The following PLCH2 variants were observed in gnomAD, a reference collection of about 807,000 sequenced individuals.
PLCH2 encodes the protein phospholipase C eta 2, also known as 1-phosphatidylinositol 4,5-bisphosphate phosphodiesterase eta-2.
PLCH2 carries 98 observed loss-of-function variants against 134.7 expected under a neutral mutation model. The ratio of observed to expected loss-of-function variants is 0.73; its 90% CI spans 0.62 to 0.86. PLCH2 has a LOEUF of 0.86. Among genes scored for constraint, PLCH2 ranks in the 40% least tolerant of loss-of-function variants. The pLI, the probability that PLCH2 is intolerant of heterozygous loss-of-function variation, is 0.00. For synonymous variants in PLCH2, 974 were observed against 827.5 expected, an observed-to-expected ratio of 1.18 and a Z score of -3.04; for missense variants, 1,994 against 1,986.6, an observed-to-expected ratio of 1.00 and a Z score of -0.07.
chr1:2,426,041 C>T (rs992398141), intron 1 of PLCH2: 1 of 152,250 alleles, frequency 6.6e-6, no homozygotes, highest in Non-Finnish European at 1.5e-5. Flanking sequence ...AGCTTTGGTA[C>T]AGTTCATCAT....
chr1:2,503,904 T>TCCCCCCCCCCCCCCCCCCCCCCCCCC lies in PLCH2; in HGVS notation c.2960-13_2960-12insCCCCCCCCCCCCCCCCCCCCCCCCCC. ...GCTTCTCCCTCTGGCTCTCTCTCAC[T>TCCCCCCCCCCCCCCCCCCCCCCCCCC]CCCCCACCTCCCCACAGACACCCGC... On this transcript the variant is annotated splice_polypyrimidine_tract_variant and intron_variant, in intron 21 of 21. Coordinates refer to ENST00000378486, the MANE Select transcript of PLCH2 (RefSeq NM_014638.4). 1 of 694,070 alleles carries TCCCCCCCCCCCCCCCCCCCCCCCCCC rather than the reference T, an allele frequency of 1.4e-6. No homozygotes were observed. The highest frequency in any genetic ancestry group is 2.6e-6 in the Non-Finnish European group (1 of 391,100). The allele number at this position is 694,070 out of a possible 1,614,324, so 43.0% of individuals were successfully genotyped here. A position where few individuals can be genotyped will look rare whatever the true frequency, so the allele number is the denominator to read the frequency against.
At chr1:2,455,124 C>T (rs867029230) in intron 2 of PLCH2, among the ~76,000 whole-genome samples, 2 of 152,226 alleles carry the variant, frequency 1.3e-5, no homozygotes, top group African/African-American at 4.8e-5. Context: ...GGACCTGGCT[C>T]TCCCCTTACC....
intron 8 of PLCH2, 35 bp downstream of exon 8, chr1:2,487,753 G>C: frequency 1.2e-6 from 2 of 1,602,552 alleles, no homozygotes; most frequent in Non-Finnish European, 1.7e-6. Context: ...TGGCCCCAGA[G>C]GTGGGCAGGG....
intron 15 of PLCH2, among the ~76,000 whole-genome samples, 162 bp downstream of exon 15, chr1:2,497,172 G>C (rs1450416533): frequency 7.2e-5 from 11 of 152,258 alleles, no homozygotes; most frequent in Non-Finnish European, 1.5e-5. Context: ...CCGACACCAG[G>C]CTGCCACTGA....
Position 2,450,633 on chromosome 1 carries a change from C to G in PLCH2, c.115+20004C>G, listed in dbSNP as rs2985854. ...CGGCCTGCCCTCCAACTCCAACTCC[C>G]CCCCTGCCCCCCGCTCCCTGTCTGC... On this transcript the variant is annotated intron_variant, in intron 2 of 3. Transcript: ENST00000609981. Among the ~76,000 whole-genome samples the G allele has an allele frequency of 2.0e-3, 164 of 82,552 alleles. 3 individuals are homozygous for G. Among genetic ancestry groups the G allele is most frequent in the African/African-American group, 7.6e-3 (154 of 20,226 alleles). The allele number at this position is 82,552 out of a possible 152,430, so 54.2% of individuals were successfully genotyped here. A position where few individuals can be genotyped will look rare whatever the true frequency, so the allele number is the denominator to read the frequency against.
rs1487734160 is a variant in PLCH2 at position 2,439,546 on chromosome 1, C to T, written c.115+8917C>T. Among the ~76,000 whole-genome samples, 3 of 152,248 alleles carry T rather than the reference C, an allele frequency of 2.0e-5. No individual in the cohort carries two copies. The highest frequency in any genetic ancestry group is 2.0e-4 in the Admixed American group (3 of 15,288). Reference sequence around the variant, plus strand: ...CTAAATTTAGCTGCTGAGGATTGCACGTTTACCCGATTAAGCCCATTGATT... The same window carrying T: ...CTAAATTTAGCTGCTGAGGATTGCATGTTTACCCGATTAAGCCCATTGATT... On this transcript the variant is annotated intron_variant, in intron 2 of 3. Coordinates refer to the PLCH2 transcript ENST00000609981. This position sits in a 1 kb window ranked among gnomAD's most constrained non-coding sequence, Gnocchi z 4.7.
chr1:2,457,482 T>C (rs1640550086), intron 2 of PLCH2, among the ~76,000 whole-genome samples: 1 of 152,100 alleles, frequency 6.6e-6, no homozygotes, highest in South Asian at 2.1e-4. Context: ...TGCTCCCCAA[T>C]GTCTCCTGGC....
rs1368844636 is a variant in PLCH2 at position 2,444,092 on chromosome 1, G to A, written c.115+13463G>A. Among the ~76,000 whole-genome samples, 1 of 152,190 alleles carries A rather than the reference G, an allele frequency of 6.6e-6. No homozygotes were observed. Among genetic ancestry groups the A allele is most frequent in the Admixed American group, 6.5e-5 (1 of 15,288 alleles). On this transcript the variant is annotated intron_variant, in intron 2 of 3. Transcript: ENST00000609981. This position sits in a 1 kb window ranked among gnomAD's most constrained non-coding sequence, Gnocchi z 4.6. The stretch of plus-strand genomic sequence containing the variant: ...CGCCTGGGCTTCAGACTCGGGAGCG[G>A]AGGCTCGGATCGCGGTGGCACGGGC...
Position 2,503,972 on chromosome 1 carries a change from G to C in PLCH2, c.3010G>C (p.Glu1004Gln), listed in dbSNP as rs1262933470. 18 of 1,513,430 alleles carry C rather than the reference G, an allele frequency of 1.2e-5. No homozygotes were observed. Among genetic ancestry groups the C allele is most frequent in the Non-Finnish European group, 1.5e-5 (17 of 1,115,034 alleles). 93.8% of individuals were successfully genotyped at this position (1,513,430 alleles called of 1,614,324 possible). ...GCCACTCCCCCCACTGTGCAGCCTG[G>C]AAACCATCGCTGAGGAGCCCGCCCC... is the stretch of plus-strand genomic sequence containing the variant. ...QRPLPPLCSL[E>Q]TIAEEPAPGP... Residue 1004 changes from glutamate to glutamine, a missense_variant, in exon 22 of 22, where the codon GAA becomes CAA. Transcript: ENST00000378486.
At chr1:2,456,490 G>A (rs1314206497) in intron 2 of PLCH2, among the ~76,000 whole-genome samples, 1 of 152,244 alleles carries the variant, frequency 6.6e-6, no homozygotes, top group South Asian at 2.1e-4. Context: ...TGACTCAGTT[G>A]TCACCGTCAC....
intron 13 of PLCH2, among the ~76,000 whole-genome samples, chr1:2,496,286 G>A (rs1054355935): frequency 2.0e-5 from 3 of 152,160 alleles, no homozygotes; most frequent in African/African-American, 7.2e-5. Context: ...TTCTAGGCCA[G>A]ACCCAGGCCC....
intron 2 of PLCH2, among the ~76,000 whole-genome samples, chr1:2,478,858 G>A (rs996531232): frequency 1.3e-5 from 2 of 152,162 alleles, no homozygotes; most frequent in Non-Finnish European, 2.9e-5. Flanking sequence ...GAGTAGCACT[G>A]TGCCCAGCCC....
intron 1 of PLCH2, among the ~76,000 whole-genome samples, chr1:2,470,358 G>GC (rs1641267052): frequency 6.6e-6 from 1 of 152,206 alleles, no homozygotes. Context: ...AGCCAGCCCA[G>GC]CCCCAGGGCC....
chr1:2,416,060 C>T, the PLCH2 span, among the ~76,000 whole-genome samples: 165 of 152,324 alleles, frequency 1.1e-3, no homozygotes, highest in Admixed American at 4.9e-3. Flanking sequence ...TGGGCAGCCC[C>T]GCAGGTGATC....
chr1:2,490,865 C>T (rs980052983), intron 10 of PLCH2, among the ~76,000 whole-genome samples: 7 of 152,248 alleles, frequency 4.6e-5, no homozygotes, highest in African/African-American at 1.4e-4. Flanking sequence ...CTGAAGTCTG[C>T]CCCTGGCCCT....
In PLCH2 at chr1:2,504,766, C is replaced by A; in HGVS notation, c.3804C>A (p.Ser1268Arg). Reference protein sequence around the residue: ...GDLTADDFAPSFEGGSRRLSH... With the variant: ...GDLTADDFAPRFEGGSRRLSH... The stretch of plus-strand genomic sequence containing the variant: ...TCACTGCTGATGACTTTGCCCCTAG[C>A]TTTGAGGGCGGCTCCCGCAGACTGA... The change falls in exon 22 of 22, where the codon AGC becomes AGA. Residue 1268 changes from serine to arginine, a missense_variant. This residue lies in a region of PLCH2 where 900 missense variants were observed against 752.3 expected (regional missense o/e 1.20). Transcript: ENST00000378486. The A allele has an allele frequency of 6.2e-7, 1 of 1,612,444 alleles. No individual in the cohort carries two copies. Among genetic ancestry groups the A allele is most frequent in the Non-Finnish European group, 8.5e-7 (1 of 1,179,762 alleles).
chr1:2,491,435 C>G, intron 11 of PLCH2, 100 bp downstream of exon 11: 1 of 1,150,298 alleles, frequency 8.7e-7, no homozygotes, highest in Non-Finnish European at 1.3e-6. Flanking sequence ...TGTGCGCACT[C>G]ACACCTGTGC....
chr1:2,497,133 T>G, intron 15 of PLCH2, 123 bp downstream of exon 15: 1 of 949,792 alleles, frequency 1.1e-6, no homozygotes, highest in Non-Finnish European at 1.6e-6. Context: ...CTATTGCCCT[T>G]GGAGCCTCCA....
intron 8 of PLCH2, among the ~76,000 whole-genome samples, chr1:2,488,326 G>A (rs1202839561): frequency 6.6e-5 from 10 of 152,198 alleles, no homozygotes; most frequent in Admixed American, 2.0e-4. Flanking sequence ...GCACAGGGGC[G>A]GGGATGGGGG....
Sources: gnomAD v4.1 joint callset for allele counts (sites outside exome capture counted in the v4.1 genomes callset) on GRCh38, gnomAD v4.1.1 for gene constraint, gnomAD v4.1.1 regional missense constraint, Gnocchi (gnomAD v3.1) non-coding constraint, MANE v1.5 for transcripts, NCBI Gene and HGNC (gene_info 2026-07-23, HGNC 2026-07-21) for gene names.